F7: variants seen among roughly 807,000 people sequenced by gnomAD.
F7 encodes the protein coagulation factor VII, also known as FVII coagulation protein.
A neutral mutation model predicts 47.5 loss-of-function variants in F7; 38 were observed. The ratio of observed to expected loss-of-function variants is 0.80; its 90% CI spans 0.62 to 1.05. F7 has a LOEUF of 1.05. Among genes scored for constraint, F7 ranks in the 50% least tolerant of loss-of-function variants. F7 has a pLI of 0.00. For synonymous variants in F7, 244 were observed against 258.5 expected, an observed-to-expected ratio of 0.94 and a Z score of 0.54; for missense variants, 575 against 605.4, an observed-to-expected ratio of 0.95 and a Z score of 0.53.
At position 113,115,782 on chromosome 13, in the gene F7, G is replaced by T. The variant is rs1478034632; in HGVS notation, c.487G>T (p.Val163Leu). 19 of 1,613,162 alleles carry T rather than the reference G, an allele frequency of 1.2e-5. No homozygotes were observed. Among genetic ancestry groups the T allele is most frequent in the Non-Finnish European group, 1.6e-5 (19 of 1,180,052 alleles). The change falls in exon 5 of 8, where the codon GTG (valine) becomes TTG (leucine). Residue 163 changes from valine to leucine, a missense_variant. Coordinates refer to ENST00000346342, the MANE Select transcript of F7 (RefSeq NM_019616.4). The stretch of plus-strand genomic sequence containing the variant: ...GGGGTACTCTCTGCTGGCAGACGGG[G>T]TGTCCTGCACACCCACAGGTGACCA... Reference protein sequence around the residue: ...HEGYSLLADGVSCTPTVEYPC... With the variant: ...HEGYSLLADGLSCTPTVEYPC...
chr13:113,108,002 G>A (rs1468533789), intron 1 of F7, among the ~76,000 whole-genome samples: 3 of 21,412 alleles, frequency 1.4e-4, no homozygotes, highest in African/African-American at 3.0e-4. Flanking sequence ...AGGGTGTCCC[G>A]GGAGTGTGGG....
At position 113,113,890 on chromosome 13, in the gene F7, C is replaced by T; in HGVS notation, c.294C>T (p.Ser98=). Reference sequence around the variant, plus strand: ...CAAGTCCATGCCAGAATGGGGGCTCCTGCAAGGACCAGCTCCAGTCCTATA... The same window carrying T: ...CAAGTCCATGCCAGAATGGGGGCTCTTGCAAGGACCAGCTCCAGTCCTATA... ...CASSPCQNGG[S]CKDQLQSYIC... The change falls in exon 4 of 8, where the codon TCC becomes TCT. Residue 98 remains serine (S), a synonymous_variant. Transcript: ENST00000346342. The surrounding 1 kb of genome is among the most constrained non-coding windows in gnomAD (Gnocchi z 4.1). 6.2e-7 allele frequency: 1 copy of T among 1,614,190 alleles called. No individual in the cohort carries two copies. The highest frequency in any genetic ancestry group is 1.1e-5 in the South Asian group (1 of 91,086).
rs2142235725 is a variant in F7 at position 113,119,224 on chromosome 13, C to T, written c.*216C>T. On this transcript the variant is annotated 3_prime_UTR_variant, in exon 8 of 8. Transcript: ENST00000346342. ...CATGGAGAGAGACTCAAAGAGACTC[C>T]AAGATTCAAAGAGACTAATAGAGAC... The T allele has an allele frequency of 5.1e-6, 3 of 593,400 alleles. No individual in the cohort carries two copies. The East Asian group carries it at 8.4e-5, about 17-fold the overall frequency. 36.8% of individuals were successfully genotyped at this position (593,400 alleles called of 1,614,324 possible).
Position 113,113,700 on chromosome 13 carries a change from G to T in F7, c.226-52G>T. ...CATGGTGTGTCCAGTGCTTACCGTT[G>T]GGTGCTCTGGTGAAGGTGCATCTCA... On this transcript the variant is annotated intron_variant, in intron 2 of 7. Transcript: ENST00000346342. The surrounding 1 kb of genome is among the most constrained non-coding windows in gnomAD (Gnocchi z 4.1). The T allele has an allele frequency of 1.9e-6, 3 of 1,571,772 alleles. No homozygotes were observed. Among genetic ancestry groups the T allele is most frequent in the African/African-American group, 1.3e-5 (1 of 74,178 alleles).
chr13:113,117,559 C>T lies in F7; in HGVS notation c.702C>T (p.Asp234=), dbSNP rs1215285993. The T allele has an allele frequency of 1.2e-6, 2 of 1,614,152 alleles. No homozygotes were observed. Among genetic ancestry groups the T allele is most frequent in the Non-Finnish European group, 1.7e-6 (2 of 1,180,028 alleles). ...IWVVSAAHCF[D]KIKNWRNLIA... is the part of the protein sequence containing the mutation. ...TGGTCTCCGCGGCCCACTGTTTCGA[C>T]AAAATCAAGAACTGGAGGAACCTGA... The change falls in exon 7 of 8, where the codon GAC becomes GAT. Residue 234 remains aspartate (D), a synonymous_variant. Coordinates refer to ENST00000346342, the MANE Select transcript of F7 (RefSeq NM_019616.4).
intron 4 of F7, 30 bp from the exon 5 acceptor site, chr13:113,115,630 C>T (rs752078675): frequency 6.2e-7 from 1 of 1,609,628 alleles, no homozygotes; most frequent in South Asian, 1.1e-5. Context: ...CCCAGAAGCC[C>T]CTCTCAGGGT....
chr13:113,114,884 A>G (rs1415107206), intron 4 of F7: 4 of 152,846 alleles, frequency 2.6e-5, no homozygotes, highest in African/African-American at 9.6e-5. Flanking sequence ...ACAGCAGTTC[A>G]TCCTTGACCA....
At chr13:113,109,668 C>T (rs2036051515) in intron 1 of F7, among the ~76,000 whole-genome samples, 1 of 152,306 alleles carries the variant, frequency 6.6e-6, no homozygotes, top group African/African-American at 2.4e-5. Context: ...TCTCCAGAGC[C>T]CCTCCCGCGC....
rs2036135576 is a variant in F7 at position 113,113,141 on chromosome 13, A to G, written c.226-611A>G. 6.6e-6 allele frequency among the ~76,000 whole-genome samples: 1 copy of G among 151,958 alleles called. No homozygotes were observed. The highest frequency in any genetic ancestry group is 6.6e-5 in the Admixed American group (1 of 15,254). On this transcript the variant is annotated intron_variant, in intron 2 of 7. Coordinates refer to ENST00000346342, the MANE Select transcript of F7 (RefSeq NM_019616.4). This position sits in a 1 kb window ranked among gnomAD's most constrained non-coding sequence, Gnocchi z 4.1. Reference sequence around the variant, plus strand: ...CATATGCACAAGACACCTCACACTCAGGACACCTCATGCTCAAAGAAGCCT... The same window carrying G: ...CATATGCACAAGACACCTCACACTCGGGACACCTCATGCTCAAAGAAGCCT...
At chr13:113,114,223 G>GC (rs1230204983) in intron 4 of F7, among the ~76,000 whole-genome samples, 1 of 152,160 alleles carries the variant, frequency 6.6e-6, no homozygotes, top group Non-Finnish European at 1.5e-5. Context: ...CCTCGAGATG[G>GC]CCCAGCTGAG....
chr13:113,110,520 A>T, intron 1 of F7, 170 bp from the exon 2 acceptor site: 1 of 832,642 alleles, frequency 1.2e-6, no homozygotes, highest in South Asian at 1.8e-5. Flanking sequence ...GGGGTGGCTG[A>T]CCCGGGAGCA....
At position 113,119,124 on chromosome 13, in the gene F7, G is replaced by T; in HGVS notation, c.*116G>T. Reference sequence around the variant, plus strand: ...TAGAGGAGGGCATGGGAGGGAGGGAGAGGTGGGGAGGGAGACAGAGACAGA... The same window carrying T: ...TAGAGGAGGGCATGGGAGGGAGGGATAGGTGGGGAGGGAGACAGAGACAGA... On this transcript the variant is annotated 3_prime_UTR_variant, in exon 8 of 8. Coordinates refer to ENST00000346342, the MANE Select transcript of F7 (RefSeq NM_019616.4). 1 of 776,118 alleles carries T rather than the reference G, an allele frequency of 1.3e-6. No homozygotes were observed. The allele number at this position is 776,118 out of a possible 1,614,324, so 48.1% of individuals were successfully genotyped here. A position where few individuals can be genotyped will look rare whatever the true frequency, so the allele number is the denominator to read the frequency against.
chr13:113,106,110 T>C (rs2035948280), intron 1 of F7, among the ~76,000 whole-genome samples: 1 of 150,052 alleles, frequency 6.7e-6, no homozygotes, highest in Non-Finnish European at 1.5e-5. Context: ...TGGCCCAGGC[T>C]TTGGCGGGAT....
chr13:113,117,086 C>T (rs548241948), intron 6 of F7: 3 of 676,176 alleles, frequency 4.4e-6, no homozygotes, highest in African/African-American at 1.8e-5. Context: ...TGAGGGTCTA[C>T]CCTGTGCAGA....
In F7 at chr13:113,105,890, G is replaced by C; in HGVS notation, c.49G>C (p.Gly17Arg). Residue 17 changes from glycine (G) to arginine (R), a missense_variant, in exon 1 of 8, where the codon GGC becomes CGC. Gly to Arg is a moderately radical substitution (Grantham distance 125). Coordinates refer to ENST00000346342, the MANE Select transcript of F7 (RefSeq NM_019616.4). ...CCTCTGCCTTCTGCTTGGGCTTCAG[G>C]GCTGCCTGGCTGCAGGTGCGTCCGG... is the stretch of plus-strand genomic sequence containing the variant. Reference protein sequence around the residue: ...RLLCLLLGLQGCLAAVFVTQE... With the variant: ...RLLCLLLGLQRCLAAVFVTQE... 1 of 1,589,018 alleles carries C rather than the reference G, an allele frequency of 6.3e-7. No homozygotes were observed. Among genetic ancestry groups the C allele is most frequent in the Non-Finnish European group, 8.6e-7 (1 of 1,168,200 alleles).
Position 113,115,792 on chromosome 13 carries a change from C to T in F7, c.497C>T (p.Thr166Ile), listed in dbSNP as rs1228590816. ...YSLLADGVSC[T>I]PTVEYPCGKI... is the part of the protein sequence containing the mutation. The stretch of plus-strand genomic sequence containing the variant: ...CTGCTGGCAGACGGGGTGTCCTGCA[C>T]ACCCACAGGTGACCAGGCTTCATGT... Residue 166 changes from threonine (T) to isoleucine (I), a missense_variant, in exon 5 of 8, where the codon ACA (threonine) becomes ATA (isoleucine). Thr to Ile is a moderately conservative substitution (Grantham distance 89). Coordinates refer to ENST00000346342, the MANE Select transcript of F7 (RefSeq NM_019616.4). 3 of 1,613,156 alleles carry T rather than the reference C, an allele frequency of 1.9e-6. No homozygotes were observed. The highest frequency in any genetic ancestry group is 1.6e-4 in the Middle Eastern group (1 of 6,084).
intron 4 of F7, chr13:113,114,879 A>T (rs1324991217): frequency 6.5e-6 from 1 of 152,806 alleles, no homozygotes; most frequent in African/African-American, 2.4e-5. Flanking sequence ...CTGGCACAGC[A>T]GTTCATCCTT....
rs569557 is a variant in F7 at position 113,115,603 on chromosome 13, G to A, written c.365-57G>A. The A allele has an allele frequency of 0.12, 196,934 of 1,586,192 alleles. 14,002 individuals are homozygous for A. Among genetic ancestry groups the A allele is most frequent in the South Asian group, 0.28 (24,331 of 87,666 alleles). Reference sequence around the variant, plus strand: ...GACCCAGGGCATGGCCACCCCGGGGGCTGGCTCTCGCTGACCCCCAGAAGC... The same window carrying A: ...GACCCAGGGCATGGCCACCCCGGGGACTGGCTCTCGCTGACCCCCAGAAGC... On this transcript the variant is annotated intron_variant, in intron 4 of 7. Coordinates refer to ENST00000346342, the MANE Select transcript of F7 (RefSeq NM_019616.4).
At position 113,113,737 on chromosome 13, in the gene F7, C is replaced by G. The variant is rs1200278366; in HGVS notation, c.226-15C>G. 1 of 1,613,738 alleles carries G rather than the reference C, an allele frequency of 6.2e-7. No individual in the cohort carries two copies. The highest frequency in any genetic ancestry group is 1.3e-5 in the African/African-American group (1 of 74,918). ...GAAGGTGCATCTCACGAGGCTTGCT[C>G]TCTTGTTCCTTCAGAAGCTGTTCTG... On this transcript the variant is annotated splice_polypyrimidine_tract_variant and intron_variant, in intron 2 of 7. Transcript: ENST00000346342. This position sits in a 1 kb window ranked among gnomAD's most constrained non-coding sequence, Gnocchi z 4.1.
Sources: allele counts gnomAD v4.1 joint callset (sites outside exome capture counted in the v4.1 genomes callset), GRCh38; gene constraint gnomAD v4.1.1; non-coding constraint Gnocchi (gnomAD v3.1); transcripts MANE v1.5; gene names NCBI Gene and HGNC (gene_info 2026-07-23, HGNC 2026-07-21).